Variants in PDZRN4 observed in about 807,000 individuals in gnomAD.
PDZRN4 encodes PDZ domain-containing RING finger protein 4.
PDZRN4 carries 70 observed loss-of-function variants against 99.0 expected under a neutral mutation model. The observed-to-expected ratio is 0.71, with a 90% CI of 0.58 to 0.86. The LOEUF is 0.86. PDZRN4 is among the 40% of genes least tolerant of loss of function. The pLI is 0.00. For synonymous variants in PDZRN4, 551 were observed against 501.6 expected, an observed-to-expected ratio of 1.10 and a Z score of -1.32; for missense variants, 1,474 against 1,331.2, an observed-to-expected ratio of 1.11 and a Z score of -1.67.
intron 3 of PDZRN4, among the ~76,000 whole-genome samples, chr12:41,429,947 T>A (rs767499704): frequency 6.6e-6 from 1 of 152,118 alleles, no homozygotes; most frequent in Non-Finnish European, 1.5e-5. Flanking sequence ...CCCTACATAA[T>A]ACCTGTGATG....
intron 3 of PDZRN4, among the ~76,000 whole-genome samples, chr12:41,500,146 T>C (rs1938084683): frequency 6.6e-6 from 1 of 151,994 alleles, no homozygotes; most frequent in Non-Finnish European, 1.5e-5. Flanking sequence ...TCCCACCCTA[T>C]TGTTGCTCTC....
intron 3 of PDZRN4, among the ~76,000 whole-genome samples, chr12:41,315,971 G>T (rs1951635694): frequency 6.6e-6 from 1 of 152,124 alleles, no homozygotes; most frequent in East Asian, 1.9e-4. Flanking sequence ...GAACCTTGAA[G>T]CTGGTCTAGA....
At chr12:41,412,895 G>A (rs945324070) in intron 3 of PDZRN4, 12 of 152,144 alleles carry the variant, frequency 7.9e-5, no homozygotes, top group African/African-American at 2.7e-4. Flanking sequence ...TTAGAGACCA[G>A]CCTTGACAAC....
chr12:41,359,220 A>G (rs1049770963), intron 3 of PDZRN4, among the ~76,000 whole-genome samples: 6 of 151,952 alleles, frequency 3.9e-5, no homozygotes, highest in African/African-American at 1.2e-4. Flanking sequence ...GATTAATTGT[A>G]TTATGGTTGA....
chr12:41,238,485 T>C (rs1412127853), intron 3 of PDZRN4, among the ~76,000 whole-genome samples: 1 of 151,912 alleles, frequency 6.6e-6, no homozygotes. Flanking sequence ...CTGACAAAGG[T>C]CTAATATCCA....
chr12:41,387,752 G>T (rs1380535631), intron 3 of PDZRN4, among the ~76,000 whole-genome samples: 3 of 152,208 alleles, frequency 2.0e-5, no homozygotes, highest in Non-Finnish European at 2.9e-5. Context: ...AGTCAGAATG[G>T]CTATCATTAA....
chr12:41,443,529 T>C (rs1411513861), intron 3 of PDZRN4, among the ~76,000 whole-genome samples: 3 of 152,060 alleles, frequency 2.0e-5, no homozygotes, highest in African/African-American at 7.2e-5. Context: ...AAGAGAACTG[T>C]GATAAGAGTT....
chr12:41,441,533 T>C (rs984495467), intron 3 of PDZRN4, among the ~76,000 whole-genome samples: 1 of 152,154 alleles, frequency 6.6e-6, no homozygotes, highest in Admixed American at 6.6e-5. Context: ...GCTAAGCACT[T>C]TTCCCTAAGC....
chr12:41,348,538 C>T (rs1489660888), intron 3 of PDZRN4, among the ~76,000 whole-genome samples: 1 of 151,916 alleles, frequency 6.6e-6, no homozygotes, highest in Non-Finnish European at 1.5e-5. Flanking sequence ...TGAAGAAATG[C>T]CAGTTTCATT....
intron 3 of PDZRN4, among the ~76,000 whole-genome samples, chr12:41,417,396 A>G (rs1401328821): frequency 6.8e-6 from 1 of 146,878 alleles, no homozygotes. Context: ...TGTCAAAATC[A>G]TTGACAATGC....
intron 3 of PDZRN4, among the ~76,000 whole-genome samples, chr12:41,394,010 T>C (rs79132199): frequency 1.3e-5 from 2 of 152,206 alleles, no homozygotes; most frequent in Non-Finnish European, 2.9e-5. Context: ...ATATCTTAGA[T>C]TGAATGCCTT....
intron 7 of PDZRN4, among the ~76,000 whole-genome samples, chr12:41,560,265 C>T (rs184690240): frequency 1.6e-4 from 25 of 152,218 alleles, no homozygotes; most frequent in Admixed American, 1.5e-3. Flanking sequence ...GCCCACCTAC[C>T]TCTGGTACAA....
chr12:41,388,010 A>G (rs562667012), intron 3 of PDZRN4, among the ~76,000 whole-genome samples: 1 of 152,340 alleles, frequency 6.6e-6, no homozygotes, highest in African/African-American at 2.4e-5. Flanking sequence ...TAGCAAATAC[A>G]TGGAACAAAC....
At chr12:41,521,907 G>T (rs1938498339) in intron 5 of PDZRN4, among the ~76,000 whole-genome samples, 1 of 151,964 alleles carries the variant, frequency 6.6e-6, no homozygotes, top group Non-Finnish European at 1.5e-5. Flanking sequence ...ATTACCTGTG[G>T]TTTATCTTAT....
intron 3 of PDZRN4, among the ~76,000 whole-genome samples, chr12:41,251,296 T>C (rs1418873565): frequency 2.0e-5 from 3 of 152,186 alleles, no homozygotes; most frequent in Admixed American, 6.5e-5. Flanking sequence ...AAAAGATGAA[T>C]TATTTTCCTC....
intron 3 of PDZRN4, among the ~76,000 whole-genome samples, chr12:41,375,112 C>A (rs530364838): frequency 1.3e-5 from 2 of 152,100 alleles, no homozygotes; most frequent in African/African-American, 4.8e-5. Context: ...ACAGTAAATT[C>A]TCCAGTCTCA....
intron 3 of PDZRN4, among the ~76,000 whole-genome samples, chr12:41,235,962 G>A (rs894605260): frequency 8.6e-5 from 13 of 152,040 alleles, no homozygotes; most frequent in Admixed American, 6.6e-5. Context: ...ATATTTAACT[G>A]TGTAAGTTAG....
chr12:41,365,027 A>G (rs1157165621), intron 3 of PDZRN4, among the ~76,000 whole-genome samples: 2 of 152,108 alleles, frequency 1.3e-5, no homozygotes, highest in African/African-American at 4.8e-5. Flanking sequence ...AGTGACCCAC[A>G]TGCCTAGGAC....
chr12:41,409,608 G>A (rs1388162531), intron 3 of PDZRN4: 1 of 152,086 alleles, frequency 6.6e-6, no homozygotes, highest in African/African-American at 2.4e-5. Context: ...AGTCTTCTTT[G>A]TATTCTCAAT....
Sources: allele counts gnomAD v4.1 joint callset (sites outside exome capture counted in the v4.1 genomes callset), GRCh38; gene constraint gnomAD v4.1.1; transcripts MANE v1.5; gene names NCBI Gene and HGNC (gene_info 2026-07-23, HGNC 2026-07-21).